Variants in GPC6 observed in about 807,000 individuals in gnomAD.
The protein encoded by GPC6 is glypican 6, also known as glypican-6.
In GPC6, 14 loss-of-function variants were observed where a neutral mutation model predicts 55.2. The ratio of observed to expected loss-of-function variants is 0.25; its 90% CI spans 0.17 to 0.40. The LOEUF (loss-of-function observed/expected upper bound fraction) is 0.40, where lower values mean the gene tolerates loss of function less well. Ranked by LOEUF, GPC6 falls within the 10% of genes least tolerant of loss-of-function variation. The pLI, the probability that GPC6 is intolerant of heterozygous loss-of-function variation, is 1.00. For synonymous variants in GPC6, 278 were observed against 259.6 expected (o/e 1.07, Z -0.68); for missense variants, 641 against 708.5 (o/e 0.90, Z 1.08).
intron 4 of GPC6, among the ~76,000 whole-genome samples, chr13:94,174,772 A>G (rs1195806188): frequency 6.6e-6 from 1 of 152,160 alleles, no homozygotes; most frequent in Non-Finnish European, 1.5e-5. Context: ...GGAAAACAGC[A>G]GGTTTTTACC....
chr13:94,184,199 T>C (rs2138951253), intron 4 of GPC6, among the ~76,000 whole-genome samples: 1 of 152,170 alleles, frequency 6.6e-6, no homozygotes, highest in East Asian at 1.9e-4. Context: ...GGAAATATCC[T>C]TCTCAACATC....
At chr13:93,938,304 G>A (rs557398937) in intron 3 of GPC6, among the ~76,000 whole-genome samples, 10 of 152,218 alleles carry the variant, frequency 6.6e-5, no homozygotes, top group African/African-American at 2.4e-4. Context: ...AAGCATTAAA[G>A]CCTAAAATAT....
chr13:94,036,021 AG>A (rs1883320044), intron 4 of GPC6, among the ~76,000 whole-genome samples: 3 of 152,038 alleles, frequency 2.0e-5, no homozygotes, highest in Admixed American at 2.0e-4. Context: ...CTAAGGAACC[AG>A]GGGTGGAAAC....
At chr13:93,999,601 T>G (rs1402713432) in intron 3 of GPC6, among the ~76,000 whole-genome samples, 1 of 152,222 alleles carries the variant, frequency 6.6e-6, no homozygotes, top group African/African-American at 2.4e-5. Context: ...GATTCATCCC[T>G]GTTGTTGCAA....
At chr13:94,012,450 C>G (rs1204003912) in intron 3 of GPC6, among the ~76,000 whole-genome samples, 2 of 152,176 alleles carry the variant, frequency 1.3e-5, no homozygotes, top group African/African-American at 4.8e-5. Flanking sequence ...GGTCCATAAA[C>G]TAGATAGCAT....
chr13:93,264,917 T>A (rs941277539), intron 1 of GPC6, among the ~76,000 whole-genome samples: 6 of 152,192 alleles, frequency 3.9e-5, no homozygotes, highest in African/African-American at 1.4e-4. Flanking sequence ...TAGAATAGAA[T>A]ATGTGAATCC....
chr13:93,672,312 A>G (rs1881394245), intron 2 of GPC6, among the ~76,000 whole-genome samples: 1 of 151,816 alleles, frequency 6.6e-6, no homozygotes, highest in South Asian at 2.1e-4. Flanking sequence ...GGATATAACT[A>G]TTGAGTTTGT....
chr13:94,069,346 A>G (rs894213769), intron 4 of GPC6, among the ~76,000 whole-genome samples: 6 of 152,132 alleles, frequency 3.9e-5, no homozygotes, highest in Non-Finnish European at 7.4e-5. Context: ...GACCTGGCCC[A>G]TAAAACCATT....
At chr13:93,795,571 C>T (rs1886169323) in intron 2 of GPC6, among the ~76,000 whole-genome samples, 1 of 152,072 alleles carries the variant, frequency 6.6e-6, no homozygotes, top group Non-Finnish European at 1.5e-5. Context: ...AACAAATTAA[C>T]AAAAGGACTA....
chr13:93,818,433 T>A (rs148292034), intron 2 of GPC6: 49 of 152,306 alleles, frequency 3.2e-4, no homozygotes, highest in African/African-American at 1.1e-3. Context: ...ACCTTCAGTT[T>A]TTGTTGTCTA....
chr13:93,638,339 C>T (rs542562242), intron 2 of GPC6, among the ~76,000 whole-genome samples: 3 of 152,140 alleles, frequency 2.0e-5, no homozygotes, highest in African/African-American at 7.2e-5. Context: ...GGTTAATTAA[C>T]AATGTTTCAA....
At chr13:93,682,514 G>C (rs1241060861) in intron 2 of GPC6, among the ~76,000 whole-genome samples, 1 of 152,068 alleles carries the variant, frequency 6.6e-6, no homozygotes, top group Non-Finnish European at 1.5e-5. Context: ...CATCCAGAAG[G>C]AAGGGTGTAA....
chr13:94,237,294 C>T (rs1285025761), intron 4 of GPC6, among the ~76,000 whole-genome samples: 8 of 151,730 alleles, frequency 5.3e-5, no homozygotes, highest in Non-Finnish European at 1.0e-4. Context: ...CTTTCTTCCT[C>T]CCTTCCTTCC....
chr13:93,913,814 A>G (rs1296901270), intron 3 of GPC6, among the ~76,000 whole-genome samples: 1 of 152,200 alleles, frequency 6.6e-6, no homozygotes, highest in East Asian at 1.9e-4. Flanking sequence ...TTGAAGCTTC[A>G]AGATGTTTTA....
chr13:94,245,642 A>G (rs573147983), intron 4 of GPC6, among the ~76,000 whole-genome samples: 83 of 152,200 alleles, frequency 5.5e-4, no homozygotes, highest in African/African-American at 1.9e-3. Context: ...TATTTTGCTT[A>G]ATATAATGTC....
chr13:93,482,506 T>C (rs541470969), intron 1 of GPC6, among the ~76,000 whole-genome samples: 8 of 152,280 alleles, frequency 5.3e-5, no homozygotes, highest in African/African-American at 1.4e-4. Flanking sequence ...TCCTAAAATA[T>C]AGCACAATGC....
At chr13:94,266,383 T>A (rs1052916621) in intron 4 of GPC6, among the ~76,000 whole-genome samples, 27 of 152,166 alleles carry the variant, frequency 1.8e-4, no homozygotes, top group African/African-American at 6.3e-4. Context: ...TTAGCCAGGA[T>A]GGTCTCGATC....
At chr13:93,422,642 T>C (rs1039396313) in intron 1 of GPC6, among the ~76,000 whole-genome samples, 1 of 152,190 alleles carries the variant, frequency 6.6e-6, no homozygotes. Flanking sequence ...TGTATGCCAA[T>C]ATTTGCTCAG....
At chr13:93,221,842 T>C (rs1875636956), upstream of GPC6, among the ~76,000 whole-genome samples, 1 of 152,216 alleles carries the variant, frequency 6.6e-6, no homozygotes, top group Admixed American at 6.5e-5. Flanking sequence ...AGCTGAGATG[T>C]GGAATAGACA....
Sources: allele counts gnomAD v4.1 joint callset (sites outside exome capture counted in the v4.1 genomes callset), GRCh38; gene constraint gnomAD v4.1.1; transcripts MANE v1.5; gene names NCBI Gene and HGNC (gene_info 2026-07-23, HGNC 2026-07-21).